Variants in HNF4A observed in about 807,000 individuals in gnomAD.
HNF4A encodes the protein hepatocyte nuclear factor 4 alpha.
A neutral mutation model predicts 52.4 loss-of-function variants in HNF4A; 15 were observed. The observed-to-expected ratio is 0.29, with a 90% confidence interval of 0.19 to 0.44. The LOEUF (loss-of-function observed/expected upper bound fraction) is 0.44. HNF4A is among the 20% of genes least tolerant of loss of function. HNF4A has a pLI of 1.00. For synonymous variants in HNF4A, 280 were observed against 264.4 expected (o/e 1.06, Z -0.57); for missense variants, 479 against 647.2 (o/e 0.74, Z 2.82).
intron 1 of HNF4A, among the ~76,000 whole-genome samples, chr20:44,383,059 C>T (rs1437332062): frequency 6.6e-6 from 1 of 152,120 alleles, no homozygotes; most frequent in Non-Finnish European, 1.5e-5. Flanking sequence ...GTCCCAGCTA[C>T]TCTGGAGGCT....
upstream of HNF4A, among the ~76,000 whole-genome samples, chr20:44,397,273 TG>T (rs1365113355): frequency 2.6e-5 from 4 of 152,200 alleles, no homozygotes; most frequent in Admixed American, 6.6e-5. Flanking sequence ...TCTTCCTCAC[TG>T]GAGGGCGTTA....
chr20:44,380,162 A>G (rs563597127), intron 1 of HNF4A, among the ~76,000 whole-genome samples: 74 of 152,310 alleles, frequency 4.9e-4, no homozygotes, highest in Non-Finnish European at 5.1e-4. Flanking sequence ...TACAGGCATG[A>G]GCCACTGTGC....
intron 1 of HNF4A, among the ~76,000 whole-genome samples, chr20:44,362,938 T>C (rs1433239708): frequency 6.6e-6 from 1 of 151,334 alleles, no homozygotes; most frequent in East Asian, 1.9e-4. Context: ...GCCTCCTGGG[T>C]TCAAACAATT....
chr20:44,393,630 A>G (rs1395136266), intron 1 of HNF4A, among the ~76,000 whole-genome samples: 1 of 152,012 alleles, frequency 6.6e-6, no homozygotes, highest in Non-Finnish European at 1.5e-5. Context: ...AACATTGCCT[A>G]CCTCCCAGAG....
intron 1 of HNF4A, among the ~76,000 whole-genome samples, chr20:44,367,632 T>A (rs187613894): frequency 2.7e-4 from 33 of 120,472 alleles, no homozygotes; most frequent in African/African-American, 1.1e-3. Flanking sequence ...AGAGCAACAC[T>A]CCGTCTCAAA....
At chr20:44,415,860 G>A (rs909907220) in intron 5 of HNF4A, among the ~76,000 whole-genome samples, 2 of 152,038 alleles carry the variant, frequency 1.3e-5, no homozygotes, top group African/African-American at 2.4e-5. Flanking sequence ...TAGCAGAGTC[G>A]ACAGGGCAAG....
intron 7 of HNF4A, among the ~76,000 whole-genome samples, chr20:44,421,847 TAA>T (rs2063750861): frequency 2.1e-5 from 3 of 146,194 alleles, no homozygotes; most frequent in South Asian, 2.1e-4. Context: ...ATATTACGTA[TAA>T]TATATATTAT....
At chr20:44,422,971 G>T (rs1444216633) in intron 7 of HNF4A, among the ~76,000 whole-genome samples, 1 of 152,102 alleles carries the variant, frequency 6.6e-6, no homozygotes, top group African/African-American at 2.4e-5. Flanking sequence ...GAGCCACCAT[G>T]CCTGGCCCTA....
intron 1 of HNF4A, among the ~76,000 whole-genome samples, chr20:44,369,056 G>A (rs1273631215): frequency 2.9e-5 from 4 of 136,876 alleles, no homozygotes; most frequent in Non-Finnish European, 6.5e-5. Flanking sequence ...GACCAGCCTG[G>A]CCAACATGGT....
intron 1 of HNF4A, among the ~76,000 whole-genome samples, chr20:44,369,087 A>G (rs1460432442): frequency 6.6e-6 from 1 of 151,598 alleles, no homozygotes; most frequent in Non-Finnish European, 1.5e-5. Context: ...CTCTACTAAT[A>G]ATACCAAAAA....
rs566005528 is a variant in HNF4A at position 44,423,868 on chromosome 20, G to A, written c.893-150G>A. 2.3e-4 allele frequency: 159 copies of A among 703,658 alleles called. 2 individuals carry two copies. The highest frequency in any genetic ancestry group is 2.0e-3 in the South Asian group (125 of 61,964). The allele number at this position is 703,658 out of a possible 1,614,324, so 43.6% of individuals were successfully genotyped here. On this transcript the variant is annotated intron_variant, in intron 7 of 9. Coordinates refer to ENST00000316099, the MANE Select transcript of HNF4A (RefSeq NM_000457.6). ...CTAGGAAATCATAATTCATGCTGGC[G>A]TACCCTGGTTGTTGAGGTCCCTGAA... is the stretch of plus-strand genomic sequence containing the variant.
At chr20:44,429,009 G>C (rs929776795) in intron 9 of HNF4A, among the ~76,000 whole-genome samples, 3 of 152,222 alleles carry the variant, frequency 2.0e-5, no homozygotes, top group African/African-American at 7.2e-5. Flanking sequence ...CTCAGGGAAA[G>C]TTTTCCATTG....
intron 1 of HNF4A, among the ~76,000 whole-genome samples, chr20:44,404,304 C>T (rs1002775024): frequency 5.3e-5 from 8 of 152,106 alleles, no homozygotes; most frequent in African/African-American, 1.9e-4. Flanking sequence ...GAGAAGTAAA[C>T]GAACACAGTC....
At chr20:44,362,943 A>T (rs2062933620) in intron 1 of HNF4A, among the ~76,000 whole-genome samples, 1 of 151,562 alleles carries the variant, frequency 6.6e-6, no homozygotes, top group South Asian at 2.1e-4. Flanking sequence ...CTGGGTTCAA[A>T]CAATTCTCCT....
At chr20:44,363,265 TGA>T (rs751936152) in intron 1 of HNF4A, among the ~76,000 whole-genome samples, 28 of 152,274 alleles carry the variant, frequency 1.8e-4, no homozygotes, top group Non-Finnish European at 3.5e-4. Flanking sequence ...TGTAAAGTGC[TGA>T]GTGTCTAGCA....
rs978609280 is a variant in HNF4A at position 44,391,724 on chromosome 20, A to G, written c.50-14334A>G. Among the ~76,000 whole-genome samples the G allele has an allele frequency of 8.5e-5, 13 of 152,350 alleles. No individual in the cohort carries two copies. The Middle Eastern group carries it at 0.01, about 120-fold the overall frequency. On this transcript the variant is annotated intron_variant, in intron 1 of 9. Transcript: ENST00000316673. ...CAGGTTGTGATATTAAATGAACCAA[A>G]CAAGATACAGAACAGTGTAAGAGCA...
intron 1 of HNF4A, among the ~76,000 whole-genome samples, chr20:44,362,592 T>C (rs1219238774): frequency 6.6e-6 from 1 of 152,156 alleles, no homozygotes; most frequent in Non-Finnish European, 1.5e-5. Context: ...CTATTTGATA[T>C]GTTTTCTCCC....
intron 1 of HNF4A, among the ~76,000 whole-genome samples, chr20:44,367,866 C>A (rs1023051537): frequency 1.3e-5 from 2 of 151,788 alleles, no homozygotes; most frequent in African/African-American, 4.8e-5. Context: ...AACAAAGTCT[C>A]AGAGAGACTA....
At chr20:44,390,030 C>T in intron 1 of HNF4A, 1 of 152,666 alleles carries the variant, frequency 6.6e-6, no homozygotes, top group Non-Finnish European at 1.5e-5. Context: ...AAGAGGGATG[C>T]CATGTTGCTA....
Sources: gnomAD v4.1 joint callset for allele counts (sites outside exome capture counted in the v4.1 genomes callset) on GRCh38, gnomAD v4.1.1 for gene constraint, MANE v1.5 for transcripts, NCBI Gene and HGNC (gene_info 2026-07-23, HGNC 2026-07-21) for gene names.